Variants in PPP2R2D observed in about 807,000 individuals in gnomAD.
PPP2R2D encodes the protein serine/threonine-protein phosphatase 2A 55 kDa regulatory subunit B delta isoform.
A neutral mutation model predicts 31.1 loss-of-function variants in PPP2R2D; 9 were observed. The ratio of observed to expected loss-of-function variants is 0.29; its 90% confidence interval spans 0.17 to 0.51. PPP2R2D has a LOEUF of 0.51. Among genes scored for constraint, PPP2R2D ranks in the 20% least tolerant of loss-of-function variants. The pLI is 0.98. For missense variants in PPP2R2D, 391 were observed against 465.6 expected, an observed-to-expected ratio of 0.84 and a Z score of 1.48; for synonymous variants, 179 against 172.6, an observed-to-expected ratio of 1.04 and a Z score of -0.29.
intron 2 of PPP2R2D, among the ~76,000 whole-genome samples, chr10:131,917,044 G>A (rs12767214): frequency 6.7e-6 from 1 of 148,716 alleles, no homozygotes; most frequent in East Asian, 2.0e-4. Flanking sequence ...ATGACACAGT[G>A]TAGGGACCTC....
At position 131,944,742 on chromosome 10, in the gene PPP2R2D, G is replaced by A. The variant is rs115524757; in HGVS notation, c.656-553G>A. Among the ~76,000 whole-genome samples the A allele has an allele frequency of 4.4e-3, 677 of 152,304 alleles. 8 individuals are homozygous for A. The highest frequency in any genetic ancestry group is 0.016 in the African/African-American group (655 of 41,570). ...TTGGTTTTCTTAGTTGTTTCAGCTT[G>A]AAGGGTGAAACTGGGACTGCTAGTC... is the stretch of plus-strand genomic sequence containing the variant. On this transcript the variant is annotated intron_variant, in intron 6 of 8. Transcript: ENST00000455566.
the PPP2R2D span, chr10:131,969,565 G>GCT: frequency 6.6e-6 from 1 of 152,264 alleles, no homozygotes; most frequent in Non-Finnish European, 1.5e-5. Flanking sequence ...GGAGACACGG[G>GCT]CAGCGCTCAG....
At chr10:131,941,828 C>G (rs958882318) in intron 5 of PPP2R2D, among the ~76,000 whole-genome samples, 1 of 152,168 alleles carries the variant, frequency 6.6e-6, no homozygotes, top group Non-Finnish European at 1.5e-5. Context: ...TGTCCTCAGA[C>G]TTCTCACATC....
At chr10:131,914,056 A>G (rs1368325560) in intron 2 of PPP2R2D, among the ~76,000 whole-genome samples, 1 of 152,212 alleles carries the variant, frequency 6.6e-6, no homozygotes, top group African/African-American at 2.4e-5. Context: ...ACCTGCCTGA[A>G]AGGGGCAGCA....
intron 8 of PPP2R2D, among the ~76,000 whole-genome samples, chr10:131,951,087 A>G (rs538661634): frequency 7.9e-5 from 12 of 152,344 alleles, no homozygotes; most frequent in African/African-American, 2.9e-4. Context: ...GCAGAAATGG[A>G]AAAATAAATA....
At chr10:131,950,239 A>G (rs557872023) in intron 8 of PPP2R2D, among the ~76,000 whole-genome samples, 1 of 152,324 alleles carries the variant, frequency 6.6e-6, no homozygotes, top group East Asian at 1.9e-4. Context: ...GGCACAGCAC[A>G]CGTTTAAACA....
At chr10:131,930,115 T>G (rs1020912414) in intron 2 of PPP2R2D, among the ~76,000 whole-genome samples, 1 of 152,262 alleles carries the variant, frequency 6.6e-6, no homozygotes, top group African/African-American at 2.4e-5. Context: ...CAGGTAAATA[T>G]TGTGTATTAC....
At chr10:131,906,883 A>G (rs984445827) in intron 2 of PPP2R2D, among the ~76,000 whole-genome samples, 2 of 152,046 alleles carry the variant, frequency 1.3e-5, no homozygotes, top group South Asian at 4.2e-4. Flanking sequence ...TGAGGCTGCA[A>G]TGAGCTATGA....
intron 3 of PPP2R2D, chr10:131,939,752 A>G (rs2036408774): frequency 4.4e-6 from 1 of 225,532 alleles, no homozygotes; most frequent in Admixed American, 5.6e-5. Flanking sequence ...TTCAGAAAAT[A>G]CGGCAGGCTG....
chr10:131,939,929 T>A (rs1554896961), intron 3 of PPP2R2D, 102 bp from the exon 4 acceptor site: 2 of 431,344 alleles, frequency 4.6e-6, no homozygotes, highest in Non-Finnish European at 8.5e-6. Context: ...ATTTTTTAGC[T>A]TTAAAAAATA....
the PPP2R2D span, chr10:131,969,727 A>T: frequency 6.6e-6 from 1 of 152,306 alleles, no homozygotes; most frequent in African/African-American, 2.4e-5. Flanking sequence ...CACTGTCTGC[A>T]CGCCAGGACT....
At chr10:131,912,217 C>T (rs1350583027) in intron 2 of PPP2R2D, 2 of 152,082 alleles carry the variant, frequency 1.3e-5, no homozygotes, top group Admixed American at 1.3e-4. Context: ...GAAATAGGGT[C>T]TTACTCCTCT....
At chr10:131,960,636 C>A (rs1326882261), downstream of PPP2R2D, among the ~76,000 whole-genome samples, 3 of 152,210 alleles carry the variant, frequency 2.0e-5, no homozygotes, top group Admixed American at 1.3e-4. Context: ...TGCTCCCGGC[C>A]GGAAGAAGCT....
chr10:131,970,337 T>C, the PPP2R2D span: 1 of 442,226 alleles, frequency 2.3e-6, no homozygotes, highest in Non-Finnish European at 4.1e-6. The surrounding 1 kb of genome is among the most constrained non-coding windows in gnomAD (Gnocchi z 4.1). Context: ...TGCTTTCACC[T>C]ACACACAGGA....
downstream of PPP2R2D, among the ~76,000 whole-genome samples, chr10:131,961,585 C>T (rs1209619676): frequency 6.6e-6 from 1 of 152,208 alleles, no homozygotes; most frequent in East Asian, 1.9e-4. Context: ...CCCCTCAGAT[C>T]TCTGGTGACA....
downstream of PPP2R2D, among the ~76,000 whole-genome samples, chr10:131,961,198 C>G (rs1002815506): frequency 6.6e-6 from 1 of 152,164 alleles, no homozygotes; most frequent in Non-Finnish European, 1.5e-5. Flanking sequence ...GCCTGGGGGC[C>G]TGGCGGGCCC....
rs576828039 is a variant in PPP2R2D, at chr10:131,940,827, G to A, written c.477+133G>A. On this transcript the variant is annotated intron_variant, in intron 5 of 8. Transcript: ENST00000455566. ...GAGGTCTGCCTCGTGATTCCTGAAA[G>A]TCGTTTGCACTCATGTGTGTGTTTA... 5.1e-4 allele frequency: 296 copies of A among 582,526 alleles called. 3 individuals carry two copies. The South Asian group carries it at 6.5e-3, about 13-fold the overall frequency. The allele number at this position is 582,526 out of a possible 1,614,324, so 36.1% of individuals were successfully genotyped here.
chr10:131,956,149 C>CA lies in PPP2R2D; in HGVS notation c.*187dup, dbSNP rs1554899943. ...GGTTCCGCCTCGGCGAGGCGCGAGA[C>CA]AGGCGCTGCTGCTCACGTGGAGACG... is the stretch of plus-strand genomic sequence containing the variant. On this transcript the variant is annotated 3_prime_UTR_variant, in exon 9 of 9. Coordinates refer to ENST00000455566, the MANE Select transcript of PPP2R2D (RefSeq NM_018461.5). 1.6e-6 allele frequency: 2 copies of CA among 1,244,836 alleles called. No individual in the cohort carries two copies. Among genetic ancestry groups the CA allele is most frequent in the Non-Finnish European group, 2.0e-6 (2 of 996,072 alleles). The allele number at this position is 1,244,836 out of a possible 1,614,324, so 77.1% of individuals were successfully genotyped here.
At chr10:131,906,758 C>CAAA (rs879099384) in intron 2 of PPP2R2D, among the ~76,000 whole-genome samples, 1 of 101,764 alleles carries the variant, frequency 9.8e-6, no homozygotes, top group Non-Finnish European at 2.1e-5. Context: ...TTGTCTCTAC[C>CAAA]AAAAAAAAAA....
Sources: gnomAD v4.1 joint callset for allele counts (sites outside exome capture counted in the v4.1 genomes callset) on GRCh38, gnomAD v4.1.1 for gene constraint, Gnocchi (gnomAD v3.1) non-coding constraint, MANE v1.5 for transcripts, NCBI Gene and HGNC (gene_info 2026-07-23, HGNC 2026-07-21) for gene names.